CERT1: variants seen among roughly 807,000 people sequenced by gnomAD.
The protein encoded by CERT1 is ceramide transporter 1, also known as ceramide transfer protein.
In CERT1, 31 loss-of-function variants were observed where a neutral mutation model predicts 87.9. The ratio of observed to expected loss-of-function variants is 0.35; its 90% CI spans 0.27 to 0.48. The LOEUF is 0.48. Among genes scored for constraint, CERT1 ranks in the 20% least tolerant of loss-of-function variants. The pLI is 0.99. For missense variants in CERT1, 487 were observed against 758.0 expected (o/e 0.64, Z 4.20); for synonymous variants, 289 against 250.9 (o/e 1.15, Z -1.44).
chr5:75,459,319 T>A, intron 2 of CERT1, 138 bp from the exon 3 acceptor site: 1 of 597,736 alleles, frequency 1.7e-6, no homozygotes, highest in South Asian at 2.1e-5. Context: ...CTCAAATAAC[T>A]TGTCTGAAGA....
chr5:75,388,721 G>A (rs938015851), intron 12 of CERT1, among the ~76,000 whole-genome samples: 20 of 148,802 alleles, frequency 1.3e-4, no homozygotes, highest in Non-Finnish European at 3.0e-4. Flanking sequence ...GACCTCCCTG[G>A]CTCAAGGAAT....
intron 14 of CERT1, among the ~76,000 whole-genome samples, chr5:75,383,850 T>C (rs1284689614): frequency 6.6e-6 from 1 of 152,198 alleles, no homozygotes; most frequent in Non-Finnish European, 1.5e-5. Context: ...CTATACACAT[T>C]ATGTTATTGG....
chr5:75,501,667 G>A (rs1209367951), intron 2 of CERT1, among the ~76,000 whole-genome samples: 1 of 152,110 alleles, frequency 6.6e-6, no homozygotes, highest in Non-Finnish European at 1.5e-5. Context: ...ATGCCCAGAA[G>A]AGAGTCCAGA....
Position 75,403,218 on chromosome 5 carries a change from G to T in CERT1, c.931-160C>A, listed in dbSNP as rs182658652. On this transcript the variant is annotated intron_variant, in intron 8 of 16. Coordinates refer to ENST00000643780, the MANE Select transcript of CERT1 (RefSeq NM_001379029.1). ...ATACTAGATCATATGCATGCTCTGT[G>T]TAAAATCACGAGTGTTACAATTAAT... Among the ~76,000 whole-genome samples the T allele has an allele frequency of 6.4e-4, 98 of 152,166 alleles. 1 individual carries two copies. The highest frequency in any genetic ancestry group is 2.3e-3 in the African/African-American group (95 of 41,472).
chr5:75,497,424 G>A (rs1410300142), intron 2 of CERT1, among the ~76,000 whole-genome samples: 1 of 152,124 alleles, frequency 6.6e-6, no homozygotes, highest in East Asian at 1.9e-4. Flanking sequence ...AGTTAAGGAA[G>A]CTGAAAGCTC....
chr5:75,477,805 G>A (rs1467659848), intron 2 of CERT1, among the ~76,000 whole-genome samples: 1 of 151,912 alleles, frequency 6.6e-6, no homozygotes, highest in Non-Finnish European at 1.5e-5. Flanking sequence ...TAAACTATAT[G>A]AGTAGAGCTA....
intron 3 of CERT1, among the ~76,000 whole-genome samples, chr5:75,448,778 CA>C (rs1764655873): frequency 6.6e-6 from 1 of 152,130 alleles, no homozygotes; most frequent in Admixed American, 6.5e-5. Context: ...GGGCATTGTA[CA>C]GAAATAACTT....
chr5:75,381,286 A>G (rs1761574485), intron 15 of CERT1, 85 bp from the exon 16 acceptor site: 2 of 1,452,528 alleles, frequency 1.4e-6, no homozygotes, highest in Middle Eastern at 3.6e-4. Flanking sequence ...GTTAACCAAA[A>G]TCGTAACTCT....
intron 2 of CERT1, among the ~76,000 whole-genome samples, chr5:75,473,455 T>C (rs889665146): frequency 6.6e-6 from 1 of 150,948 alleles, no homozygotes; most frequent in African/African-American, 2.4e-5. Context: ...GGGCATTAAA[T>C]GAAACAAGCC....
chr5:75,477,642 A>C lies in CERT1; in HGVS notation c.232-18461T>G, dbSNP rs1245064255. Among the ~76,000 whole-genome samples, 4 of 119,872 alleles carry C rather than the reference A, an allele frequency of 3.3e-5. No homozygotes were observed. The East Asian group carries it at 1.0e-3, about 31-fold the overall frequency. The allele number at this position is 119,872 out of a possible 152,430, so 78.6% of individuals were successfully genotyped here. On this transcript the variant is annotated intron_variant, in intron 2 of 16. Coordinates refer to ENST00000643780, the MANE Select transcript of CERT1 (RefSeq NM_001379029.1). The stretch of plus-strand genomic sequence containing the variant: ...CTTCAATGAGAGTAAAGGTCTAATA[A>C]GTTGTAAAAAAAAAAAAAAAAAAAA...
chr5:75,374,700 T>C (rs958784198), downstream of CERT1: 2 of 607,310 alleles, frequency 3.3e-6, no homozygotes, highest in Admixed American at 3.7e-5. Flanking sequence ...GTTGTGCAAC[T>C]CACAACAAAG....
intron 3 of CERT1, among the ~76,000 whole-genome samples, chr5:75,435,187 C>T (rs949398070): frequency 2.6e-5 from 4 of 152,190 alleles, no homozygotes; most frequent in African/African-American, 9.7e-5. Context: ...GAGTGGTCTT[C>T]AAGCTATGAG....
intron 11 of CERT1, among the ~76,000 whole-genome samples, chr5:75,399,021 A>G (rs1277808395): frequency 1.3e-5 from 2 of 152,238 alleles, no homozygotes; most frequent in Non-Finnish European, 2.9e-5. Context: ...AACAGATATT[A>G]CATGATATAC....
intron 1 of CERT1, among the ~76,000 whole-genome samples, chr5:75,510,248 A>G (rs1044736208): frequency 6.6e-6 from 1 of 152,130 alleles, no homozygotes; most frequent in South Asian, 2.1e-4. Context: ...GAAGGGAGAG[A>G]GAAGTCAAAA....
intron 5 of CERT1, among the ~76,000 whole-genome samples, chr5:75,420,177 C>T (rs1580744708): frequency 6.6e-6 from 1 of 151,822 alleles, no homozygotes; most frequent in East Asian, 1.9e-4. Flanking sequence ...AGGGGTTTCA[C>T]TATGTTGGCC....
chr5:75,510,376 A>C (rs950009753), intron 1 of CERT1, among the ~76,000 whole-genome samples: 1 of 152,212 alleles, frequency 6.6e-6, no homozygotes, highest in Non-Finnish European at 1.5e-5. Context: ...ATTTTGATAC[A>C]GGGATTTTAA....
At chr5:75,462,370 A>G (rs942899428) in intron 2 of CERT1, among the ~76,000 whole-genome samples, 2 of 152,234 alleles carry the variant, frequency 1.3e-5, no homozygotes, top group African/African-American at 4.8e-5. Flanking sequence ...TTAGATTCTC[A>G]TAAGGAGCGT....
chr5:75,444,813 G>A (rs1349645574), intron 3 of CERT1, among the ~76,000 whole-genome samples: 1 of 152,032 alleles, frequency 6.6e-6, no homozygotes. Flanking sequence ...CTAAAGTGCT[G>A]GGATTACAGG....
chr5:75,409,109 A>C (rs1380071316), intron 8 of CERT1, among the ~76,000 whole-genome samples: 1 of 152,080 alleles, frequency 6.6e-6, no homozygotes, highest in Admixed American at 6.5e-5. Context: ...TTTTATTTAT[A>C]ATATTAAAAA....
Sources: gnomAD v4.1 joint callset for allele counts (sites outside exome capture counted in the v4.1 genomes callset) on GRCh38, gnomAD v4.1.1 for gene constraint, MANE v1.5 for transcripts, NCBI Gene and HGNC (gene_info 2026-07-23, HGNC 2026-07-21) for gene names.